The following NAALADL2 variants were observed in gnomAD, a reference collection of about 807,000 sequenced individuals.
NAALADL2 encodes inactive N-acetylated-alpha-linked acidic dipeptidase-like protein 2.
Under a neutral mutation model 87.2 loss-of-function variants are expected in NAALADL2, and 76 were observed. The ratio of observed to expected loss-of-function variants is 0.87; its 90% CI spans 0.72 to 1.05. NAALADL2 has a LOEUF of 1.05. Among genes scored for constraint, NAALADL2 ranks in the 50% least tolerant of loss-of-function variants. The pLI is 0.00. For missense variants in NAALADL2, 1,089 were observed against 945.8 expected (o/e 1.15, Z -1.99); for synonymous variants, 354 against 331.0 (o/e 1.07, Z -0.75).
At chr3:175,360,979 A>G (rs1249676157) in intron 5 of NAALADL2, among the ~76,000 whole-genome samples, 1 of 151,428 alleles carries the variant, frequency 6.6e-6, no homozygotes, top group Non-Finnish European at 1.5e-5. Flanking sequence ...TTAACTCATC[A>G]TTTACATCAG....
At chr3:174,776,762 C>T (rs1715262060) in intron 3 of NAALADL2, among the ~76,000 whole-genome samples, 1 of 152,056 alleles carries the variant, frequency 6.6e-6, no homozygotes, top group Non-Finnish European at 1.5e-5. Flanking sequence ...ATCATGGTGG[C>T]AGTGTGATAA....
At chr3:174,934,163 G>GACA (rs1274088116) in intron 1 of NAALADL2, among the ~76,000 whole-genome samples, 1 of 152,070 alleles carries the variant, frequency 6.6e-6, no homozygotes, top group Non-Finnish European at 1.5e-5. Context: ...TACTACTACT[G>GACA]ACAACAACAA....
rs546529265 is a variant in NAALADL2, at chr3:175,397,073, C to T, written c.1091-50156C>T. On this transcript the variant is annotated intron_variant, in intron 5 of 13. Coordinates refer to ENST00000454872, the MANE Select transcript of NAALADL2 (RefSeq NM_207015.3). ...GTGCCTTGATACTTAGTGGCATTTT[C>T]GTATTATGGAGTCATTAACAGTGTG... is the stretch of plus-strand genomic sequence containing the variant. Among the ~76,000 whole-genome samples, 12 of 151,998 alleles carry T rather than the reference C, an allele frequency of 7.9e-5. No individual in the cohort carries two copies. The East Asian group carries it at 1.9e-3, about 25-fold the overall frequency.
chr3:175,092,032 G>GA (rs1720231803), intron 1 of NAALADL2, among the ~76,000 whole-genome samples: 1 of 151,664 alleles, frequency 6.6e-6, no homozygotes, highest in Non-Finnish European at 1.5e-5. Context: ...AGAATTCGTG[G>GA]AAAAAAATAG....
intron 1 of NAALADL2, among the ~76,000 whole-genome samples, chr3:174,955,207 C>T (rs1270695656): frequency 6.6e-6 from 1 of 152,074 alleles, no homozygotes; most frequent in Non-Finnish European, 1.5e-5. Flanking sequence ...TGAAATACAA[C>T]TACAAATATA....
At chr3:175,507,156 T>C (rs1437706390) in intron 9 of NAALADL2, among the ~76,000 whole-genome samples, 2 of 151,930 alleles carry the variant, frequency 1.3e-5, no homozygotes, top group African/African-American at 4.8e-5. Flanking sequence ...TCTTTCAACG[T>C]TCCCTCTGTC....
At chr3:174,726,592 G>C (rs191438733) in intron 2 of NAALADL2, among the ~76,000 whole-genome samples, 64 of 151,984 alleles carry the variant, frequency 4.2e-4, no homozygotes, top group African/African-American at 1.4e-3. Context: ...CATAGTACTT[G>C]GCTTCTTTGC....
chr3:174,915,087 T>A (rs1260906704), intron 1 of NAALADL2, among the ~76,000 whole-genome samples: 1 of 152,180 alleles, frequency 6.6e-6, no homozygotes, highest in Non-Finnish European at 1.5e-5. Context: ...AAAACTAGTA[T>A]CTAATTGCCC....
At chr3:175,649,623 C>A (rs1730478724) in intron 11 of NAALADL2, among the ~76,000 whole-genome samples, 1 of 152,126 alleles carries the variant, frequency 6.6e-6, no homozygotes, top group African/African-American at 2.4e-5. Context: ...ATGGCCTTTC[C>A]TCAGTGCACA....
intron 2 of NAALADL2, among the ~76,000 whole-genome samples, chr3:174,663,919 C>T (rs1046311131): frequency 3.3e-5 from 5 of 151,928 alleles, no homozygotes; most frequent in African/African-American, 1.2e-4. Context: ...TCCCGAGTAG[C>T]TGGGATTACA....
chr3:174,997,691 G>A (rs890481226), intron 1 of NAALADL2, among the ~76,000 whole-genome samples: 18 of 151,730 alleles, frequency 1.2e-4, no homozygotes, highest in Admixed American at 2.0e-4. Flanking sequence ...TGGTGGACAC[G>A]TATAATCCTA....
intron 1 of NAALADL2, among the ~76,000 whole-genome samples, chr3:175,082,890 G>T (rs1017682213): frequency 6.6e-6 from 1 of 152,174 alleles, no homozygotes; most frequent in African/African-American, 2.4e-5. Flanking sequence ...AGTCTTTATT[G>T]TTCTGGGCAT....
At chr3:175,377,819 G>C (rs1767329976) in intron 5 of NAALADL2, among the ~76,000 whole-genome samples, 1 of 152,118 alleles carries the variant, frequency 6.6e-6, no homozygotes, top group African/African-American at 2.4e-5. Flanking sequence ...ACAGCTTGAT[G>C]GTGTAACTTC....
chr3:175,481,695 CTAT>C, intron 9 of NAALADL2, among the ~76,000 whole-genome samples: 1 of 151,866 alleles, frequency 6.6e-6, no homozygotes, highest in African/African-American at 2.4e-5. Flanking sequence ...ACCTAAATGT[CTAT>C]CAGGAGGAAA....
chr3:175,471,209 G>A (rs9840789), intron 8 of NAALADL2, among the ~76,000 whole-genome samples: 85,168 of 151,738 alleles, frequency 0.56, 25,198 homozygotes, highest in East Asian at 0.68. Flanking sequence ...ATTATGGCCG[G>A]GTGCGGTGGC....
At chr3:174,626,766 G>A (rs1721618133) in intron 2 of NAALADL2, among the ~76,000 whole-genome samples, 1 of 151,974 alleles carries the variant, frequency 6.6e-6, no homozygotes, top group East Asian at 1.9e-4. Context: ...TTATTTGGCT[G>A]TATAGAGCAA....
intron 2 of NAALADL2, among the ~76,000 whole-genome samples, chr3:174,637,102 A>T (rs1377041863): frequency 6.6e-6 from 1 of 152,118 alleles, no homozygotes; most frequent in East Asian, 1.9e-4. Flanking sequence ...TCTCATTAAT[A>T]TATGAGAGTG....
At chr3:174,848,334 A>G (rs1724868542) in intron 3 of NAALADL2, among the ~76,000 whole-genome samples, 1 of 152,164 alleles carries the variant, frequency 6.6e-6, no homozygotes, top group Admixed American at 6.6e-5. Context: ...TTGAACCTGC[A>G]AAATTAGTTT....
chr3:174,769,042 A>G (rs1714204068), intron 3 of NAALADL2, among the ~76,000 whole-genome samples: 1 of 151,880 alleles, frequency 6.6e-6, no homozygotes, highest in South Asian at 2.1e-4. Flanking sequence ...TATTTATTTT[A>G]AAATAGAAGC....
Sources: gnomAD v4.1 joint callset for allele counts (sites outside exome capture counted in the v4.1 genomes callset) on GRCh38, gnomAD v4.1.1 for gene constraint, MANE v1.5 for transcripts, NCBI Gene and HGNC (gene_info 2026-07-23, HGNC 2026-07-21) for gene names.